The following KCNJ6 variants were observed in gnomAD, a reference collection of about 807,000 sequenced individuals.
The protein encoded by KCNJ6 is G protein-activated inward rectifier potassium channel 2.
Under a neutral mutation model 34.2 loss-of-function variants are expected in KCNJ6, and 9 were observed. The ratio of observed to expected loss-of-function variants is 0.26; its 90% CI spans 0.16 to 0.46. The LOEUF (loss-of-function observed/expected upper bound fraction) is 0.46. Among genes scored for constraint, KCNJ6 ranks in the 20% least tolerant of loss-of-function variants. The pLI, the probability that KCNJ6 is intolerant of heterozygous loss-of-function variation, is 1.00. For synonymous variants in KCNJ6, 196 were observed against 207.1 expected, an observed-to-expected ratio of 0.95 and a Z score of 0.46; for missense variants, 236 against 531.3, an observed-to-expected ratio of 0.44 and a Z score of 5.46.
intron 2 of KCNJ6, among the ~76,000 whole-genome samples, chr21:37,812,628 A>G (rs2055328500): frequency 6.6e-6 from 1 of 152,240 alleles, no homozygotes; most frequent in South Asian, 2.1e-4. Flanking sequence ...AAATCAATCA[A>G]TGTGATACAT....
intron 3 of KCNJ6, among the ~76,000 whole-genome samples, chr21:37,712,966 T>C (rs559021512): frequency 4.5e-4 from 69 of 152,230 alleles, no homozygotes; most frequent in African/African-American, 1.6e-3. Context: ...CCTTTTGTTC[T>C]ATGGAAAGGA....
intron 1 of KCNJ6, among the ~76,000 whole-genome samples, chr21:37,890,645 G>T (rs142487605): frequency 6.6e-6 from 1 of 152,272 alleles, no homozygotes; most frequent in Non-Finnish European, 1.5e-5. Flanking sequence ...CACATGCTGA[G>T]ATTTCTGATT....
At chr21:37,867,621 G>A (rs1379288596) in intron 1 of KCNJ6, among the ~76,000 whole-genome samples, 1 of 152,064 alleles carries the variant, frequency 6.6e-6, no homozygotes, top group Admixed American at 6.5e-5. Context: ...TGGGCCAAAC[G>A]GTAATAAAAG....
chr21:37,911,976 G>A (rs2055868926), intron 1 of KCNJ6, among the ~76,000 whole-genome samples: 3 of 152,194 alleles, frequency 2.0e-5, no homozygotes, highest in African/African-American at 7.2e-5. Flanking sequence ...TGAGATGATA[G>A]GGAGGAATAT....
At position 37,889,276 on chromosome 21, in the gene KCNJ6, TCTGCAATCC is replaced by T. The variant is rs1038535901; in HGVS notation, c.-28+26599_-28+26607del. Among the ~76,000 whole-genome samples the T allele has an allele frequency of 7.6e-4, 116 of 152,320 alleles. 2 individuals carry two copies. Among genetic ancestry groups the T allele is most frequent in the Non-Finnish European group, 3.2e-4 (22 of 68,030 alleles). ...GAGGTTTGTGTTTGTGAGATTCCTA[TCTGCAATCC>T]CTCACAAATTGTCTCAACAGGCAGA... On this transcript the variant is annotated intron_variant, in intron 1 of 3. Transcript: ENST00000609713.
At chr21:37,850,029 A>G (rs2055529484) in intron 1 of KCNJ6, among the ~76,000 whole-genome samples, 2 of 152,330 alleles carry the variant, frequency 1.3e-5, no homozygotes, top group African/African-American at 4.8e-5. Context: ...ATTTGTTCAG[A>G]ATTTTCCAGA....
At chr21:37,636,279 A>T (rs2054357672) in intron 3 of KCNJ6, among the ~76,000 whole-genome samples, 1 of 152,188 alleles carries the variant, frequency 6.6e-6, no homozygotes, top group African/African-American at 2.4e-5. Context: ...CCCATAAATA[A>T]TGTCTTATTA....
chr21:37,843,214 C>T (rs1193038525), intron 1 of KCNJ6, among the ~76,000 whole-genome samples: 5 of 152,154 alleles, frequency 3.3e-5, no homozygotes, highest in African/African-American at 1.2e-4. Context: ...CCCATTCTTG[C>T]TGGTGGGTGG....
At chr21:37,860,153 C>A (rs1466893236) in intron 1 of KCNJ6, among the ~76,000 whole-genome samples, 1 of 152,176 alleles carries the variant, frequency 6.6e-6, no homozygotes, top group African/African-American at 2.4e-5. Flanking sequence ...AACCCACCTG[C>A]TGCTCGGTCC....
intron 1 of KCNJ6, among the ~76,000 whole-genome samples, chr21:37,890,786 CAGG>C (rs1271378253): frequency 1.3e-5 from 2 of 152,218 alleles, no homozygotes; most frequent in Non-Finnish European, 2.9e-5. Context: ...CGGTACAATT[CAGG>C]AGAACACTGC....
intron 2 of KCNJ6, among the ~76,000 whole-genome samples, chr21:37,823,067 A>C (rs1469227212): frequency 2.6e-5 from 4 of 152,194 alleles, no homozygotes; most frequent in Non-Finnish European, 5.9e-5. Flanking sequence ...ACAGATTCAC[A>C]TAACCTGTGT....
At chr21:37,882,977 G>C (rs2055717374) in intron 1 of KCNJ6, among the ~76,000 whole-genome samples, 1 of 152,170 alleles carries the variant, frequency 6.6e-6, no homozygotes, top group Admixed American at 6.5e-5. Flanking sequence ...CATGTGTGTG[G>C]ATGCATGTGT....
chr21:37,818,725 C>A (rs1251005874), intron 2 of KCNJ6, among the ~76,000 whole-genome samples: 2 of 152,236 alleles, frequency 1.3e-5, no homozygotes, highest in Non-Finnish European at 2.9e-5. Context: ...GAAGTGACTT[C>A]AGGAGAAATA....
At chr21:37,806,348 T>G (rs926808398) in intron 2 of KCNJ6, among the ~76,000 whole-genome samples, 11 of 152,164 alleles carry the variant, frequency 7.2e-5, no homozygotes. Flanking sequence ...ACTGTGTATG[T>G]GGTATAATTT....
intron 3 of KCNJ6, among the ~76,000 whole-genome samples, chr21:37,693,607 G>T (rs2054650407): frequency 6.6e-6 from 1 of 152,118 alleles, no homozygotes; most frequent in South Asian, 2.1e-4. Context: ...GGTGGGAGGG[G>T]TGGGGGGATA....
At chr21:37,797,459 T>C (rs1302884165) in intron 2 of KCNJ6, among the ~76,000 whole-genome samples, 1 of 152,234 alleles carries the variant, frequency 6.6e-6, no homozygotes, top group Non-Finnish European at 1.5e-5. Flanking sequence ...ACCCAGTGTC[T>C]GGAGTGAAGG....
At chr21:37,688,982 A>G (rs2054627529) in intron 3 of KCNJ6, among the ~76,000 whole-genome samples, 1 of 152,232 alleles carries the variant, frequency 6.6e-6, no homozygotes, top group Non-Finnish European at 1.5e-5. Context: ...TATTGTAGAT[A>G]TACACCAAAG....
chr21:37,815,507 T>A (rs567379037), intron 2 of KCNJ6, among the ~76,000 whole-genome samples: 75 of 152,334 alleles, frequency 4.9e-4, no homozygotes, highest in African/African-American at 1.6e-3. Context: ...ATCACCAGAC[T>A]TTGTCAGTGT....
intron 2 of KCNJ6, among the ~76,000 whole-genome samples, chr21:37,820,489 C>T (rs183132624): frequency 3.9e-5 from 6 of 152,140 alleles, no homozygotes; most frequent in Non-Finnish European, 7.3e-5. Flanking sequence ...TGTGTGTCTG[C>T]CATTTTGCAC....
Sources: allele counts gnomAD v4.1 joint callset (sites outside exome capture counted in the v4.1 genomes callset), GRCh38; gene constraint gnomAD v4.1.1; transcripts MANE v1.5; gene names NCBI Gene and HGNC (gene_info 2026-07-23, HGNC 2026-07-21).